PPP1R9A: variants seen among roughly 807,000 people sequenced by gnomAD.
The protein encoded by PPP1R9A is protein phosphatase 1 regulatory subunit 9A.
A neutral mutation model predicts 141.9 loss-of-function variants in PPP1R9A; 59 were observed. The ratio of observed to expected loss-of-function variants is 0.42; its 90% CI spans 0.34 to 0.52. The LOEUF (loss-of-function observed/expected upper bound fraction) is 0.52, where lower values mean the gene tolerates loss of function less well. Ranked by LOEUF, PPP1R9A falls within the 20% of genes least tolerant of loss-of-function variation. The pLI, the probability that PPP1R9A is intolerant of heterozygous loss-of-function variation, is 0.10. For synonymous variants in PPP1R9A, 500 were observed against 569.7 expected, an observed-to-expected ratio of 0.88 and a Z score of 1.74; for missense variants, 1,444 against 1,611.9, an observed-to-expected ratio of 0.90 and a Z score of 1.78.
intron 2 of PPP1R9A, among the ~76,000 whole-genome samples, chr7:94,966,191 A>C (rs955472173): frequency 6.6e-6 from 1 of 152,162 alleles, no homozygotes; most frequent in Middle Eastern, 3.2e-3. Flanking sequence ...ATTTTGCTGA[A>C]ATTGCTTATC....
At chr7:95,078,880 G>A (rs1281634213) in intron 2 of PPP1R9A, among the ~76,000 whole-genome samples, 1 of 151,766 alleles carries the variant, frequency 6.6e-6, no homozygotes, top group African/African-American at 2.4e-5. Flanking sequence ...CTGGATATTA[G>A]CCCTTTGTCA....
At chr7:94,959,439 A>G (rs1269551382) in intron 2 of PPP1R9A, among the ~76,000 whole-genome samples, 1 of 151,722 alleles carries the variant, frequency 6.6e-6, no homozygotes, top group Non-Finnish European at 1.5e-5. Flanking sequence ...TTCTTGTTAT[A>G]AGTATATCAA....
chr7:95,062,038 T>C (rs1812308285), intron 2 of PPP1R9A, among the ~76,000 whole-genome samples: 1 of 152,320 alleles, frequency 6.6e-6, no homozygotes, highest in Non-Finnish European at 1.5e-5. Context: ...AGAATTTCTT[T>C]AACTTGCATC....
chr7:95,044,421 A>G (rs918423862), intron 2 of PPP1R9A, among the ~76,000 whole-genome samples: 6 of 152,354 alleles, frequency 3.9e-5, no homozygotes, highest in Admixed American at 3.9e-4. Context: ...CAAGATCAGG[A>G]ATATTATCTC....
At chr7:95,014,406 A>G (rs1458222798) in intron 2 of PPP1R9A, among the ~76,000 whole-genome samples, 1 of 152,070 alleles carries the variant, frequency 6.6e-6, no homozygotes, top group Non-Finnish European at 1.5e-5. Flanking sequence ...CCTCATGATT[A>G]GCTTTCAATT....
chr7:95,020,167 G>T (rs1182491368), intron 2 of PPP1R9A, among the ~76,000 whole-genome samples: 1 of 152,068 alleles, frequency 6.6e-6, no homozygotes, highest in African/African-American at 2.4e-5. Context: ...AAAGTGCAAT[G>T]AACCTGTAGT....
intron 2 of PPP1R9A, among the ~76,000 whole-genome samples, chr7:95,046,361 T>G (rs1166542805): frequency 2.0e-5 from 3 of 152,172 alleles, no homozygotes; most frequent in African/African-American, 7.2e-5. Flanking sequence ...ACCAAAAGGC[T>G]GTGATTACCA....
At chr7:94,929,167 G>C (rs1419491539) in intron 2 of PPP1R9A, among the ~76,000 whole-genome samples, 1 of 152,138 alleles carries the variant, frequency 6.6e-6, no homozygotes, top group African/African-American at 2.4e-5. Context: ...TTCTAAGAGA[G>C]CATCTTTTTG....
chr7:94,922,382 T>G (rs1344851466), intron 2 of PPP1R9A, among the ~76,000 whole-genome samples: 3 of 152,076 alleles, frequency 2.0e-5, no homozygotes, highest in Non-Finnish European at 4.4e-5. Context: ...TGAAGATTTT[T>G]TATGTGCTTA....
chr7:94,940,536 A>T (rs2150940870), intron 2 of PPP1R9A, among the ~76,000 whole-genome samples: 1 of 152,122 alleles, frequency 6.6e-6, no homozygotes, highest in South Asian at 2.1e-4. Context: ...TTTGGTATTA[A>T]TATTATATGT....
chr7:95,152,129 T>C (rs1828809469), intron 4 of PPP1R9A, among the ~76,000 whole-genome samples: 1 of 151,726 alleles, frequency 6.6e-6, no homozygotes, highest in South Asian at 2.1e-4. Context: ...TTTTTGTATT[T>C]TTAGTAGAGA....
chr7:95,197,310 G>T lies in PPP1R9A; in HGVS notation c.1755-1039G>T, dbSNP rs141079461. On this transcript the variant is annotated intron_variant, in intron 5 of 19. Coordinates refer to ENST00000433360, the MANE Select transcript of PPP1R9A (RefSeq NM_001166160.2). ...AAACAGAAACATATTAGTGTGAAAA[G>T]ATGTTAAAAAATGAATATTAAATTG... 2.1e-4 allele frequency among the ~76,000 whole-genome samples: 32 copies of T among 152,254 alleles called. No homozygotes were observed. In the East Asian group the frequency reaches 5.4e-3, roughly 26 times the overall value.
In PPP1R9A at chr7:95,046,670, T is replaced by C. The variant is rs896231580; in HGVS notation, c.1396-64589T>C. Among the ~76,000 whole-genome samples the C allele has an allele frequency of 2.6e-5, 4 of 152,312 alleles. No homozygotes were observed. The East Asian group carries it at 7.7e-4, about 29-fold the overall frequency. On this transcript the variant is annotated intron_variant, in intron 2 of 19. Transcript: ENST00000433360. ...AGCCCAGGGAATTCTCTGTCATGCA[T>C]TTTAGCTATGGGGACATCAGCTGCT...
intron 8 of PPP1R9A, among the ~76,000 whole-genome samples, chr7:95,235,605 C>G (rs530640590): frequency 1.2e-4 from 19 of 152,230 alleles, no homozygotes; most frequent in Admixed American, 7.2e-4. Flanking sequence ...CTATGGAAAA[C>G]AGTGTGGAGA....
At chr7:95,165,375 T>A (rs1335326095) in intron 5 of PPP1R9A, among the ~76,000 whole-genome samples, 2 of 152,222 alleles carry the variant, frequency 1.3e-5, no homozygotes, top group Non-Finnish European at 2.9e-5. Context: ...AATACCCTTT[T>A]GAAGATGCCC....
At chr7:95,009,827 G>A (rs1804160330) in intron 2 of PPP1R9A, among the ~76,000 whole-genome samples, 1 of 152,206 alleles carries the variant, frequency 6.6e-6, no homozygotes, top group Admixed American at 6.5e-5. Context: ...TAAAGAGGAG[G>A]ACAGGGGCAG....
chr7:95,166,013 G>T (rs967358152), intron 5 of PPP1R9A, among the ~76,000 whole-genome samples: 1 of 151,978 alleles, frequency 6.6e-6, no homozygotes, highest in South Asian at 2.1e-4. Context: ...GCCAGGTGTG[G>T]TGGCACATGC....
At chr7:95,104,973 A>T (rs1403823302) in intron 2 of PPP1R9A, among the ~76,000 whole-genome samples, 1 of 109,430 alleles carries the variant, frequency 9.1e-6, no homozygotes, top group Non-Finnish European at 1.9e-5. Context: ...CCAGGAGCAC[A>T]CTTTGCTAGC....
rs1810052743 is a variant in PPP1R9A, at chr7:95,046,634, T to C, written c.1396-64625T>C. ...AAAAGATAGAGGCCTGCATGGGTAA[T>C]ACTTGGATTGAGCCCAGGGAATTCT... On this transcript the variant is annotated intron_variant, in intron 2 of 19. Coordinates refer to ENST00000433360, the MANE Select transcript of PPP1R9A (RefSeq NM_001166160.2). Among the ~76,000 whole-genome samples the C allele has an allele frequency of 2.0e-5, 3 of 152,212 alleles. No homozygotes were observed. In the South Asian group the frequency reaches 6.2e-4, roughly 32 times the overall value.
Sources: gnomAD v4.1 joint callset for allele counts (sites outside exome capture counted in the v4.1 genomes callset) on GRCh38, gnomAD v4.1.1 for gene constraint, MANE v1.5 for transcripts, NCBI Gene and HGNC (gene_info 2026-07-23, HGNC 2026-07-21) for gene names.